FGD4: variants seen among roughly 807,000 people sequenced by gnomAD.
FGD4 encodes the protein FYVE, RhoGEF and PH domain-containing protein 4.
In FGD4, 42 loss-of-function variants were observed where a neutral mutation model predicts 102.0. The ratio of observed to expected loss-of-function variants is 0.41; its 90% CI spans 0.32 to 0.53. FGD4 has a LOEUF of 0.53. Ranked by LOEUF, FGD4 falls within the 20% of genes least tolerant of loss-of-function variation. The pLI is 0.21. For missense variants in FGD4, 902 were observed against 1,078.2 expected (o/e 0.84, Z 2.29); for synonymous variants, 380 against 375.7 (o/e 1.01, Z -0.13).
chr12:32,508,741 C>T (rs1020461404), intron 1 of FGD4, among the ~76,000 whole-genome samples: 1 of 152,234 alleles, frequency 6.6e-6, no homozygotes, highest in African/African-American at 2.4e-5. Flanking sequence ...TAGAATTCAG[C>T]TCAGTGTGCT....
intron 1 of FGD4, among the ~76,000 whole-genome samples, chr12:32,543,810 G>T (rs1323936300): frequency 6.6e-6 from 1 of 152,022 alleles, no homozygotes; most frequent in African/African-American, 2.4e-5. Context: ...TGTATTTTTA[G>T]TAGAGACGGG....
At chr12:32,469,432 C>A (rs1354844953) in intron 1 of FGD4, among the ~76,000 whole-genome samples, 3 of 151,690 alleles carry the variant, frequency 2.0e-5, no homozygotes, top group African/African-American at 4.8e-5. Context: ...GTGTGTGCCA[C>A]CATGCCTGGA....
chr12:32,558,561 C>A (rs1037476449), intron 1 of FGD4, among the ~76,000 whole-genome samples: 3 of 152,150 alleles, frequency 2.0e-5, no homozygotes. Context: ...ACTTAAAATG[C>A]GAAACAATAA....
rs906278673 is a variant in FGD4 at position 32,399,761 on chromosome 12, A to T, written c.-33A>T. The stretch of plus-strand genomic sequence containing the variant: ...CCGCTCGCGGCTGGACGGGAGCGGG[A>T]GGAGTCGGGGAGCGGCGGTCGAGCC... On this transcript the variant is annotated 5_prime_UTR_variant, in exon 1 of 17. Transcript: ENST00000534526. The T allele has an allele frequency of 6.6e-7, 1 of 1,526,104 alleles. No individual in the cohort carries two copies. Among genetic ancestry groups the T allele is most frequent in the Non-Finnish European group, 8.7e-7 (1 of 1,143,698 alleles). The allele number at this position is 1,526,104 out of a possible 1,614,324, so 94.5% of individuals were successfully genotyped here. A position where few individuals can be genotyped will look rare whatever the true frequency, so the allele number is the denominator to read the frequency against.
intron 4 of FGD4, among the ~76,000 whole-genome samples, chr12:32,585,834 CAAAAA>C (rs58688697): frequency 0.27 from 18,149 of 68,178 alleles, 1,166 homozygotes; most frequent in Middle Eastern, 0.36. Context: ...GACCTTGTCT[CAAAAA>C]AAAAAAAAAA....
chr12:32,625,126 A>T, intron 13 of FGD4, 58 bp downstream of exon 13: 1 of 1,418,482 alleles, frequency 7.0e-7, no homozygotes, highest in Non-Finnish European at 9.9e-7. Flanking sequence ...GGTGTAGAAG[A>T]TCTGTCTAAT....
chr12:32,463,997 G>A lies in FGD4; in HGVS notation c.166+64038G>A, dbSNP rs553657953. On this transcript the variant is annotated intron_variant, in intron 1 of 16. Coordinates refer to ENST00000534526, the MANE Select transcript of FGD4 (RefSeq NM_001370298.3). ...TAAATTTAGAAGACACTGATTTCACGTAGCCACTAAGTAGACAACTCAGTA... is the reference window on the plus strand; with the variant it reads ...TAAATTTAGAAGACACTGATTTCACATAGCCACTAAGTAGACAACTCAGTA... Among the ~76,000 whole-genome samples, 279 of 152,280 alleles carry A rather than the reference G, an allele frequency of 1.8e-3. 1 individual carries two copies. Among genetic ancestry groups the A allele is most frequent in the Non-Finnish European group, 2.9e-3 (198 of 68,010 alleles).
At chr12:32,448,292 A>G (rs1439041405) in intron 1 of FGD4, among the ~76,000 whole-genome samples, 1 of 152,172 alleles carries the variant, frequency 6.6e-6, no homozygotes, top group African/African-American at 2.4e-5. Flanking sequence ...GTACAGTGGG[A>G]GTACAAAGAA....
Position 32,399,865 on chromosome 12 carries a change from G to C in FGD4, c.72G>C (p.Pro24=). ...IRRKSNPSYL[P]PGVPRPWSRP... ...GGAAGTCCAACCCCTCCTACCTGCC[G>C]CCCGGGGTGCCCCGGCCCTGGAGCA... The change falls in exon 1 of 17, where the codon CCG becomes CCC. Residue 24 remains proline, a synonymous_variant. Transcript: ENST00000534526. 1 of 1,531,042 alleles carries C rather than the reference G, an allele frequency of 6.5e-7. No homozygotes were observed. The highest frequency in any genetic ancestry group is 8.7e-7 in the Non-Finnish European group (1 of 1,145,148). 94.8% of individuals were successfully genotyped at this position (1,531,042 alleles called of 1,614,324 possible).
intron 1 of FGD4, among the ~76,000 whole-genome samples, chr12:32,481,023 C>A (rs765196593): frequency 6.7e-4 from 100 of 148,964 alleles, no homozygotes; most frequent in Non-Finnish European, 7.4e-4. Flanking sequence ...CCCTATGTTG[C>A]CCGGGCTGGC....
chr12:32,613,743 G>A (rs1401331736), intron 10 of FGD4, among the ~76,000 whole-genome samples: 1 of 151,878 alleles, frequency 6.6e-6, no homozygotes, highest in Admixed American at 6.6e-5. Flanking sequence ...ACCCAGCCTG[G>A]GTGACAGAGT....
Position 32,490,868 on chromosome 12 carries a change from A to G in FGD4, c.167-73269A>G, listed in dbSNP as rs184371823. Among the ~76,000 whole-genome samples the G allele has an allele frequency of 8.4e-3, 1,278 of 152,320 alleles. 19 individuals carry two copies. Among genetic ancestry groups the G allele is most frequent in the African/African-American group, 0.03 (1,238 of 41,564 alleles). Reference sequence around the variant, plus strand: ...ATTTCTTTCTACTAAAAATCATGAAAGTTTGAATTATAGTTCCTCTCACAG... The same window carrying G: ...ATTTCTTTCTACTAAAAATCATGAAGGTTTGAATTATAGTTCCTCTCACAG... On this transcript the variant is annotated intron_variant, in intron 1 of 16. Coordinates refer to ENST00000534526, the MANE Select transcript of FGD4 (RefSeq NM_001370298.3).
intron 1 of FGD4, among the ~76,000 whole-genome samples, chr12:32,550,680 A>G (rs1943582184): frequency 6.6e-6 from 1 of 151,180 alleles, no homozygotes; most frequent in Admixed American, 6.6e-5. Flanking sequence ...CAAAAAAAAA[A>G]AAAAAAAAAA....
At chr12:32,461,884 G>A (rs1282499744) in intron 1 of FGD4, among the ~76,000 whole-genome samples, 2 of 151,948 alleles carry the variant, frequency 1.3e-5, no homozygotes, top group African/African-American at 4.8e-5. Context: ...CCGCCACCAC[G>A]CCAGGCTAAT....
chr12:32,422,076 T>G (rs10844200), intron 1 of FGD4, among the ~76,000 whole-genome samples: 58,579 of 148,706 alleles, frequency 0.39, 12,048 homozygotes, highest in African/African-American at 0.5. Flanking sequence ...CCCGGGAGGC[T>G]GAGCTTGCAG....
chr12:32,447,992 C>CCCTA, intron 1 of FGD4, among the ~76,000 whole-genome samples: 1 of 152,190 alleles, frequency 6.6e-6, no homozygotes, highest in African/African-American at 2.4e-5. Context: ...GGGGAAGGAA[C>CCCTA]AAACCCTAAA....
intron 1 of FGD4, among the ~76,000 whole-genome samples, chr12:32,448,330 G>A (rs1040877245): frequency 2.0e-5 from 3 of 152,138 alleles, no homozygotes; most frequent in African/African-American, 7.2e-5. Flanking sequence ...TTTTGTCTGA[G>A]CAAATGGAGC....
At chr12:32,566,669 A>G (rs1945213146) in intron 2 of FGD4, among the ~76,000 whole-genome samples, 1 of 143,100 alleles carries the variant, frequency 7.0e-6, no homozygotes, top group Non-Finnish European at 1.5e-5. Flanking sequence ...GTCAATCAAC[A>G]GTACCCAGTA....
chr12:32,438,643 T>C (rs1487509495), intron 1 of FGD4, among the ~76,000 whole-genome samples: 5 of 151,476 alleles, frequency 3.3e-5, no homozygotes, highest in Admixed American at 3.3e-4. Context: ...GGAGTCTCGC[T>C]CTGTCACCCA....
Sources: gnomAD v4.1 joint callset for allele counts (sites outside exome capture counted in the v4.1 genomes callset) on GRCh38, gnomAD v4.1.1 for gene constraint, MANE v1.5 for transcripts, NCBI Gene and HGNC (gene_info 2026-07-23, HGNC 2026-07-21) for gene names.